DENND4C: variants seen among roughly 807,000 people sequenced by gnomAD.
DENND4C encodes the protein DENN domain containing 4C, also known as DENN domain-containing protein 4C.
DENND4C carries 108 observed loss-of-function variants against 203.0 expected under a neutral mutation model. The observed-to-expected ratio is 0.53, with a 90% CI of 0.46 to 0.62. The LOEUF (loss-of-function observed/expected upper bound fraction) is 0.62, where lower values mean the gene tolerates loss of function less well. Ranked by LOEUF, DENND4C falls within the 20% of genes least tolerant of loss-of-function variation. DENND4C has a pLI of 0.00. For synonymous variants in DENND4C, 871 were observed against 792.4 expected (o/e 1.10, Z -1.67); for missense variants, 2,481 against 2,301.2 (o/e 1.08, Z -1.60).
At chr9:19,260,631 A>G (rs914701108) in intron 1 of DENND4C, among the ~76,000 whole-genome samples, 3 of 152,064 alleles carry the variant, frequency 2.0e-5, no homozygotes, top group Non-Finnish European at 4.4e-5. Flanking sequence ...CTCCTCACCT[A>G]GGTGATCCAC....
intron 1 of DENND4C, among the ~76,000 whole-genome samples, chr9:19,247,824 C>G (rs1192158182): frequency 6.6e-6 from 1 of 152,188 alleles, no homozygotes; most frequent in Non-Finnish European, 1.5e-5. Context: ...GTAAATGGTA[C>G]TATCGTTTAC....
chr9:19,282,961 C>T (rs1834421709), intron 2 of DENND4C, among the ~76,000 whole-genome samples: 1 of 151,672 alleles, frequency 6.6e-6, no homozygotes, highest in Admixed American at 6.6e-5. Context: ...TCAAGTGATC[C>T]ACCCATCTTG....
intron 10 of DENND4C, among the ~76,000 whole-genome samples, chr9:19,313,941 G>T (rs1380567677): frequency 6.6e-6 from 1 of 152,194 alleles, no homozygotes; most frequent in South Asian, 2.1e-4. Flanking sequence ...GATTAGCTAG[G>T]TATGGTGGCA....
chr9:19,326,922 G>A (rs1334083206), intron 15 of DENND4C, among the ~76,000 whole-genome samples: 2 of 151,958 alleles, frequency 1.3e-5, no homozygotes, highest in Admixed American at 6.6e-5. Context: ...TATTTAACTA[G>A]CCTCATGGAT....
At position 19,352,513 on chromosome 9, in the gene DENND4C, G is replaced by T. The variant is rs140547280; in HGVS notation, c.4629G>T (p.Gln1543His). The T allele has an allele frequency of 4.2e-5, 68 of 1,612,388 alleles. No individual in the cohort carries two copies. In the African/African-American group the frequency reaches 8.3e-4, roughly 20 times the overall value. ...AMEVLMSSCS[Q>H]CRACGALVYD... ...AGGTTTTGATGTCCAGTTGTTCACA[G>T]TGTAGAGCTTGTGGAGCTTTAGTTT... Residue 1543 changes from glutamine to histidine, a missense_variant, in exon 26 of 33, where the codon CAG becomes CAT. Physicochemically the swap from Gln to His is conservative, Grantham distance 24 (BLOSUM62 0). Transcript: ENST00000434457.
At chr9:19,245,999 T>G (rs992017860) in intron 1 of DENND4C, among the ~76,000 whole-genome samples, 3 of 152,194 alleles carry the variant, frequency 2.0e-5, no homozygotes, top group African/African-American at 7.2e-5. Context: ...GGACATTTCT[T>G]GGATTCCATC....
intron 16 of DENND4C, among the ~76,000 whole-genome samples, chr9:19,330,033 C>T (rs1305053010): frequency 1.3e-5 from 2 of 152,132 alleles, no homozygotes; most frequent in African/African-American, 2.4e-5. Flanking sequence ...CCCCTAAATC[C>T]TAGAGATATC....
intron 2 of DENND4C, among the ~76,000 whole-genome samples, chr9:19,279,903 G>A (rs894365209): frequency 1.9e-5 from 2 of 103,750 alleles, no homozygotes; most frequent in African/African-American, 6.4e-5. Flanking sequence ...CCTAGAGGGT[G>A]AAGATATATG....
intron 28 of DENND4C, among the ~76,000 whole-genome samples, chr9:19,359,650 T>C (rs1265930138): frequency 6.7e-6 from 1 of 149,656 alleles, no homozygotes; most frequent in Non-Finnish European, 1.5e-5. Context: ...GAGACCACAG[T>C]CTAGGCACCA....
At chr9:19,363,195 T>C (rs1016124528) in intron 30 of DENND4C, among the ~76,000 whole-genome samples, 1 of 152,144 alleles carries the variant, frequency 6.6e-6, no homozygotes, top group African/African-American at 2.4e-5. Context: ...CTCCTTTTCT[T>C]ATAAAGACAT....
In DENND4C at chr9:19,335,097, T is replaced by C. The variant is rs1820140869; in HGVS notation, c.2581T>C (p.Tyr861His). 6.3e-7 allele frequency: 1 copy of C among 1,593,170 alleles called. No homozygotes were observed. The highest frequency in any genetic ancestry group is 8.5e-7 in the Non-Finnish European group (1 of 1,170,636). The part of the protein sequence containing the change: ...IKPNAITYGY[Y>H]NKVVLESPWP... The stretch of plus-strand genomic sequence containing the variant: ...GCCTAATGCTATTACTTATGGTTAT[T>C]ATAATAAGGTAAGTAGGATCGACAT... Residue 861 changes from tyrosine (Y) to histidine (H), a missense_variant, in exon 18 of 33, where the codon TAT becomes CAT. By Grantham distance (83) the Tyr-to-His change is moderately conservative. Coordinates refer to ENST00000434457, the MANE Select transcript of DENND4C (RefSeq NM_001330640.2).
Position 19,286,814 on chromosome 9 carries a change from G to C in DENND4C, c.351G>C (p.Val117=). Residue 117 remains valine, a synonymous_variant, in exon 3 of 33, where the codon GTG becomes GTC. Transcript: ENST00000434457. ...GKERLIPGCE[V]ILATPYGRCA... ...AACGGCTTATTCCAGGATGTGAAGT[G>C]ATCCTAGCCACACCCTATGGTCGCT... 1 of 1,232,086 alleles carries C rather than the reference G, an allele frequency of 8.1e-7. No homozygotes were observed. The allele number at this position is 1,232,086 out of a possible 1,614,324, so 76.3% of individuals were successfully genotyped here.
At chr9:19,297,031 T>C (rs1837609920) in intron 6 of DENND4C, among the ~76,000 whole-genome samples, 1 of 152,324 alleles carries the variant, frequency 6.6e-6, no homozygotes, top group South Asian at 2.1e-4. Context: ...GAAAGAAAAA[T>C]GTATGTTGAG....
At chr9:19,285,379 T>A (rs565654559) in intron 2 of DENND4C, among the ~76,000 whole-genome samples, 23 of 152,284 alleles carry the variant, frequency 1.5e-4, no homozygotes, top group African/African-American at 5.1e-4. Context: ...TTTACAGTGT[T>A]GTGCAGCTAC....
intron 1 of DENND4C, among the ~76,000 whole-genome samples, chr9:19,269,988 A>T (rs1831297580): frequency 6.6e-6 from 1 of 152,214 alleles, no homozygotes; most frequent in Admixed American, 6.5e-5. Context: ...GAGCACCTTA[A>T]GCCCAGTAAT....
chr9:19,336,135 A>G (rs1820407173), intron 18 of DENND4C, 135 bp from the exon 19 acceptor site: 1 of 717,674 alleles, frequency 1.4e-6, no homozygotes, highest in Non-Finnish European at 2.0e-6. Context: ...GCATTTTTTA[A>G]TATACCTCTT....
At chr9:19,295,892 TAA>T in intron 5 of DENND4C, 114 bp from the exon 6 acceptor site, 1 of 720,904 alleles carries the variant, frequency 1.4e-6, no homozygotes, top group Non-Finnish European at 2.2e-6. Flanking sequence ...TTTTTTTTCA[TAA>T]TTTATCTGTA....
At chr9:19,289,436 T>C (rs1041427586) in intron 4 of DENND4C, among the ~76,000 whole-genome samples, 1 of 152,200 alleles carries the variant, frequency 6.6e-6, no homozygotes, top group Non-Finnish European at 1.5e-5. Flanking sequence ...AAAATCGTGA[T>C]TTTCATAAAA....
intron 17 of DENND4C, 76 bp from the exon 18 acceptor site, chr9:19,334,901 G>C: frequency 3.7e-6 from 5 of 1,343,548 alleles, no homozygotes; most frequent in Non-Finnish European, 4.0e-6. Context: ...TTCATGGAAA[G>C]AATTCAGTAA....
Sources: allele counts gnomAD v4.1 joint callset (sites outside exome capture counted in the v4.1 genomes callset), GRCh38; gene constraint gnomAD v4.1.1; transcripts MANE v1.5; gene names NCBI Gene and HGNC (gene_info 2026-07-23, HGNC 2026-07-21).